ADAM32: variants seen among roughly 807,000 people sequenced by gnomAD.
The protein encoded by ADAM32 is ADAM metallopeptidase domain 32, also known as disintegrin and metalloproteinase domain-containing protein 32.
In ADAM32, 89 loss-of-function variants were observed where a neutral mutation model predicts 114.9. The ratio of observed to expected loss-of-function variants is 0.77; its 90% CI spans 0.65 to 0.92. The LOEUF (loss-of-function observed/expected upper bound fraction) is 0.92. ADAM32 is among the 40% of genes least tolerant of loss of function. The pLI is 0.00. For synonymous variants in ADAM32, 285 were observed against 307.5 expected (o/e 0.93, Z 0.77); for missense variants, 870 against 932.8 (o/e 0.93, Z 0.88).
chr8:39,122,023 G>A (rs777071498), intron 2 of ADAM32, among the ~76,000 whole-genome samples: 2 of 152,132 alleles, frequency 1.3e-5, no homozygotes, highest in Admixed American at 6.5e-5. Flanking sequence ...TTCTATGCCT[G>A]TTCTACTATT....
intron 19 of ADAM32, among the ~76,000 whole-genome samples, chr8:39,261,527 A>T (rs929009057): frequency 2.0e-5 from 3 of 152,156 alleles, no homozygotes; most frequent in African/African-American, 4.8e-5. Flanking sequence ...GGCAGTGCAA[A>T]TGTCTCTTCG....
At chr8:39,180,151 G>A (rs1460290620) in intron 10 of ADAM32, among the ~76,000 whole-genome samples, 1 of 152,208 alleles carries the variant, frequency 6.6e-6, no homozygotes, top group South Asian at 2.1e-4. Flanking sequence ...TGCGCGCAGC[G>A]CTTGCGGGCC....
chr8:39,259,575 A>T (rs1208178771), intron 19 of ADAM32, among the ~76,000 whole-genome samples: 1 of 152,154 alleles, frequency 6.6e-6, no homozygotes, highest in Non-Finnish European at 1.5e-5. Flanking sequence ...CTTGGAAATA[A>T]CCCAAGGACT....
At chr8:39,147,606 C>T (rs1237782739) in intron 4 of ADAM32, among the ~76,000 whole-genome samples, 1 of 151,876 alleles carries the variant, frequency 6.6e-6, no homozygotes, top group Non-Finnish European at 1.5e-5. Flanking sequence ...ACTGACCCTG[C>T]CCTTCAAACT....
intron 17 of ADAM32, among the ~76,000 whole-genome samples, chr8:39,248,631 A>G (rs557554276): frequency 1.3e-5 from 2 of 152,172 alleles, no homozygotes; most frequent in South Asian, 4.1e-4. Flanking sequence ...TCATATATGA[A>G]CAAAGACAGT....
intron 2 of ADAM32, among the ~76,000 whole-genome samples, chr8:39,134,185 C>T (rs748661672): frequency 1.1e-4 from 17 of 151,964 alleles, no homozygotes; most frequent in Non-Finnish European, 1.8e-4. Context: ...GCTGTTGGGT[C>T]CCAGGTCAGG....
intron 19 of ADAM32, among the ~76,000 whole-genome samples, chr8:39,261,260 A>G (rs1564709142): frequency 2.6e-5 from 4 of 152,020 alleles, no homozygotes; most frequent in Admixed American, 6.6e-5. Flanking sequence ...TCTATTCTAC[A>G]TTTTACTTCT....
At chr8:39,229,025 C>A (rs1809566522) in intron 14 of ADAM32, among the ~76,000 whole-genome samples, 1 of 152,182 alleles carries the variant, frequency 6.6e-6, no homozygotes, top group African/African-American at 2.4e-5. Context: ...GGGGCCCTAT[C>A]TTCAGCTTCC....
At chr8:39,127,582 C>T (rs1423382797) in intron 2 of ADAM32, among the ~76,000 whole-genome samples, 1 of 152,056 alleles carries the variant, frequency 6.6e-6, no homozygotes, top group Non-Finnish European at 1.5e-5. Context: ...CTTTATTAGT[C>T]AAGCTAGTAG....
chr8:39,161,235 C>A (rs2129446019), intron 7 of ADAM32, among the ~76,000 whole-genome samples: 1 of 152,312 alleles, frequency 6.6e-6, no homozygotes, highest in African/African-American at 2.4e-5. Flanking sequence ...CCCTCTCAAT[C>A]CATACTACCA....
rs577187184 is a variant in ADAM32 at position 39,153,268 on chromosome 8, CT to C, written c.525+1728del. 3.3e-5 allele frequency among the ~76,000 whole-genome samples: 5 copies of C among 152,216 alleles called. No homozygotes were observed. The East Asian group carries it at 5.8e-4, about 18-fold the overall frequency. ...TAATGTTTGTGAACTAGATGCTGAA[CT>C]TTTTTTTCTTGCCTTGTGAAAATTT... is the stretch of plus-strand genomic sequence containing the variant. On this transcript the variant is annotated intron_variant, in intron 6 of 24. Transcript: ENST00000379907.
intron 9 of ADAM32, chr8:39,167,651 T>C (rs1804926755): frequency 6.6e-6 from 1 of 152,202 alleles, no homozygotes; most frequent in African/African-American, 2.4e-5. Flanking sequence ...TTTCACAATA[T>C]TGATTCGATC....
intron 12 of ADAM32, among the ~76,000 whole-genome samples, chr8:39,214,077 C>T (rs1808402036): frequency 1.3e-5 from 2 of 152,116 alleles, no homozygotes; most frequent in South Asian, 4.1e-4. Context: ...TTCCTTTATC[C>T]ATTCATCTGT....
At position 39,212,816 on chromosome 8, in the gene ADAM32, G is replaced by A. The variant is rs147801639; in HGVS notation, c.1233+1492G>A. ...GATATGTGTATGTTTATAAGAAATT[G>A]CCAAAATATTTTCCAAAATGGTTGT... On this transcript the variant is annotated intron_variant, in intron 12 of 24. Transcript: ENST00000379907. 5.7e-4 allele frequency among the ~76,000 whole-genome samples: 87 copies of A among 152,196 alleles called. No individual in the cohort carries two copies. The East Asian group carries it at 0.012, about 21-fold the overall frequency.
At chr8:39,239,480 A>T (rs1810411265) in intron 16 of ADAM32, among the ~76,000 whole-genome samples, 1 of 152,224 alleles carries the variant, frequency 6.6e-6, no homozygotes, top group South Asian at 2.1e-4. Flanking sequence ...TAAAGCATAA[A>T]TTTCACAGGG....
intron 2 of ADAM32, among the ~76,000 whole-genome samples, chr8:39,120,331 G>T (rs1840539150): frequency 6.6e-6 from 1 of 152,210 alleles, no homozygotes. Flanking sequence ...TGAAGGGACT[G>T]TTGGTAGAAA....
At chr8:39,120,761 CAAA>C (rs748561734) in intron 2 of ADAM32, among the ~76,000 whole-genome samples, 1 of 99,516 alleles carries the variant, frequency 1.0e-5, no homozygotes, top group Non-Finnish European at 1.9e-5. Flanking sequence ...GACTCCGTCT[CAAA>C]AAAAAAAAAA....
At position 39,211,324 on chromosome 8, in the gene ADAM32, TGTAA is replaced by T. The variant is rs1229930115; in HGVS notation, c.1233+4_1233+7del. 10 of 1,497,760 alleles carry T rather than the reference TGTAA, an allele frequency of 6.7e-6. No individual in the cohort carries two copies. The highest frequency in any genetic ancestry group is 8.9e-6 in the Non-Finnish European group (10 of 1,127,126). 92.8% of individuals were successfully genotyped at this position (1,497,760 alleles called of 1,614,324 possible). A position where few individuals can be genotyped will look rare whatever the true frequency, so the allele number is the denominator to read the frequency against. On this transcript the variant is annotated splice_donor_variant and splice_donor_region_variant and intron_variant, in intron 12 of 24. Coordinates refer to ENST00000379907, the MANE Select transcript of ADAM32 (RefSeq NM_145004.7). LOFTEE classifies it high-confidence loss of function. ...AAATCTGTGATTGTGGTACTGAGGC[TGTAA>T]GTATGATAACTAGGAAAATTGATTA...
chr8:39,202,284 AGT>A (rs1807478282), intron 11 of ADAM32, among the ~76,000 whole-genome samples: 1 of 152,024 alleles, frequency 6.6e-6, no homozygotes, highest in African/African-American at 2.4e-5. Context: ...GTAGGCTCTT[AGT>A]TATTGCCTCA....
Sources: allele counts gnomAD v4.1 joint callset (sites outside exome capture counted in the v4.1 genomes callset), GRCh38; gene constraint gnomAD v4.1.1; transcripts MANE v1.5; gene names NCBI Gene and HGNC (gene_info 2026-07-23, HGNC 2026-07-21).